PCCA: variants seen among roughly 807,000 people sequenced by gnomAD.
PCCA encodes propionyl-CoA carboxylase subunit alpha, also known as propionyl-CoA carboxylase alpha chain, mitochondrial.
A neutral mutation model predicts 101.3 loss-of-function variants in PCCA; 74 were observed. The ratio of observed to expected loss-of-function variants is 0.73; its 90% CI spans 0.61 to 0.89. The LOEUF (loss-of-function observed/expected upper bound fraction) is 0.89. PCCA is among the 40% of genes least tolerant of loss of function. PCCA has a pLI of 0.00. For missense variants in PCCA, 891 were observed against 907.0 expected (o/e 0.98, Z 0.23); for synonymous variants, 294 against 313.6 (o/e 0.94, Z 0.66).
intron 12 of PCCA, among the ~76,000 whole-genome samples, chr13:100,290,870 G>A (rs775858109): frequency 6.6e-6 from 1 of 152,128 alleles, no homozygotes; most frequent in Non-Finnish European, 1.5e-5. Flanking sequence ...ATAAGTAACT[G>A]ACTAAATTGT....
At chr13:100,236,185 A>G (rs1160756741) in intron 8 of PCCA, among the ~76,000 whole-genome samples, 1 of 152,252 alleles carries the variant, frequency 6.6e-6, no homozygotes, top group East Asian at 1.9e-4. Context: ...ATTTATATGT[A>G]CATAGTTGAA....
At chr13:100,250,765 C>T (rs2061700163) in intron 8 of PCCA, among the ~76,000 whole-genome samples, 1 of 152,052 alleles carries the variant, frequency 6.6e-6, no homozygotes, top group African/African-American at 2.4e-5. Flanking sequence ...GATGTTTAGT[C>T]TGGCAGGTAC....
At chr13:100,524,832 G>A (rs752689497) in intron 22 of PCCA, among the ~76,000 whole-genome samples, 8 of 152,062 alleles carry the variant, frequency 5.3e-5, no homozygotes, top group Non-Finnish European at 7.4e-5. Context: ...AGATTGTGCC[G>A]CTGCACTCCA....
intron 8 of PCCA, among the ~76,000 whole-genome samples, chr13:100,240,369 GTTTT>G (rs35401040): frequency 7.1e-6 from 1 of 141,344 alleles, no homozygotes; most frequent in South Asian, 2.3e-4. Context: ...CTTAGGATAA[GTTTT>G]TTTTTTTTTT....
intron 21 of PCCA, chr13:100,491,849 AT>A: frequency 1.1e-6 from 1 of 890,014 alleles, no homozygotes; most frequent in Non-Finnish European, 1.4e-6. Context: ...AAATAAAAAT[AT>A]TTTAGTGAAT....
chr13:100,337,779 C>T lies in PCCA; in HGVS notation c.1541-2378C>T, dbSNP rs143407038. On this transcript the variant is annotated intron_variant, in intron 17 of 23. Transcript: ENST00000376285. ...ATGGGTTCCCCTAATGCATTGCCTC[C>T]TCCCTTGCTGATGGTATATACGGTG... 2.5e-3 allele frequency among the ~76,000 whole-genome samples: 385 copies of T among 152,286 alleles called. 4 individuals carry two copies. In the South Asian group the frequency reaches 0.028, roughly 11 times the overall value.
chr13:100,119,753 G>A (rs948451550), intron 4 of PCCA, among the ~76,000 whole-genome samples: 1 of 152,086 alleles, frequency 6.6e-6, no homozygotes, highest in Non-Finnish European at 1.5e-5. Context: ...CAACTCACAC[G>A]GGATCTGTTT....
intron 8 of PCCA, among the ~76,000 whole-genome samples, chr13:100,243,882 T>A (rs953043761): frequency 4.6e-5 from 7 of 152,242 alleles, no homozygotes; most frequent in Admixed American, 3.9e-4. Context: ...TACAACATTT[T>A]TTTAAAAAGT....
At position 100,099,410 on chromosome 13, in the gene PCCA, C is replaced by T. The variant is rs149292152; in HGVS notation, c.106-3473C>T. Among the ~76,000 whole-genome samples, 48 of 151,130 alleles carry T rather than the reference C, an allele frequency of 3.2e-4. No homozygotes were observed. The East Asian group carries it at 8.6e-3, about 27-fold the overall frequency. ...TCGGCTCACTACAACCTCTGCCTCCCGGGTTCACGCCATTCTCCCGCCTCA... is the reference window on the plus strand; with the variant it reads ...TCGGCTCACTACAACCTCTGCCTCCTGGGTTCACGCCATTCTCCCGCCTCA... On this transcript the variant is annotated intron_variant, in intron 1 of 23. Coordinates refer to ENST00000376285, the MANE Select transcript of PCCA (RefSeq NM_000282.4).
intron 8 of PCCA, among the ~76,000 whole-genome samples, chr13:100,247,886 G>A (rs1251804790): frequency 4.6e-5 from 7 of 152,070 alleles, no homozygotes; most frequent in Non-Finnish European, 8.8e-5. Flanking sequence ...TTCCTTGCTC[G>A]TTAGGTTTTG....
At chr13:100,182,301 T>C (rs1396800493) in intron 6 of PCCA, among the ~76,000 whole-genome samples, 2 of 152,070 alleles carry the variant, frequency 1.3e-5, no homozygotes. Flanking sequence ...TTCACCATGT[T>C]GGCCAGGCTG....
intron 13 of PCCA, 57 bp from the exon 14 acceptor site, chr13:100,302,867 C>T: frequency 1.1e-6 from 1 of 952,374 alleles, no homozygotes; most frequent in Non-Finnish European, 1.7e-6. Flanking sequence ...AATATTTAAC[C>T]TTACTTGTGC....
intron 18 of PCCA, among the ~76,000 whole-genome samples, chr13:100,360,626 AC>A (rs1346059074): frequency 2.0e-5 from 3 of 152,228 alleles, no homozygotes; most frequent in Non-Finnish European, 2.9e-5. Context: ...ACCACTACAT[AC>A]CTATTAGAAT....
At chr13:100,368,769 T>A (rs1007422868) in intron 19 of PCCA, among the ~76,000 whole-genome samples, 195 bp downstream of exon 19, 2 of 152,228 alleles carry the variant, frequency 1.3e-5, no homozygotes, top group African/African-American at 4.8e-5. Flanking sequence ...TTTCTAGATT[T>A]AGCCACATCC....
Position 100,348,779 on chromosome 13 carries a change from TCTTTCTTTCTTCCTTCCTTCCTTC to T in PCCA, c.1643+8524_1643+8547del, listed in dbSNP as rs1384750702. Among the ~76,000 whole-genome samples the T allele has an allele frequency of 5.7e-3, 431 of 76,240 alleles. 10 individuals carry two copies. Among genetic ancestry groups the T allele is most frequent in the Admixed American group, 8.7e-3 (67 of 7,676 alleles). The allele number at this position is 76,240 out of a possible 152,430, so 50.0% of individuals were successfully genotyped here. A position where few individuals can be genotyped will look rare whatever the true frequency, so the allele number is the denominator to read the frequency against. ...TTCTTTCTTTCTTTCTTTCTTTCTT[TCTTTCTTTCTTCCTTCCTTCCTTC>T]CTTCCTTCCTTCCTTTCTTTCTTTT... On this transcript the variant is annotated intron_variant, in intron 18 of 23. Transcript: ENST00000376285.
intron 22 of PCCA, among the ~76,000 whole-genome samples, chr13:100,519,653 C>T (rs1226822713): frequency 1.3e-5 from 2 of 152,226 alleles, no homozygotes; most frequent in Non-Finnish European, 2.9e-5. Context: ...GTCTGACGTC[C>T]CCTCCTCCCC....
At chr13:100,444,851 T>C (rs2080695272) in intron 20 of PCCA, among the ~76,000 whole-genome samples, 1 of 135,706 alleles carries the variant, frequency 7.4e-6, no homozygotes, top group East Asian at 2.1e-4. Context: ...TTTGGAAAAT[T>C]CCTGCTCATT....
chr13:100,178,366 A>G (rs1344796578), intron 6 of PCCA, among the ~76,000 whole-genome samples: 3 of 152,228 alleles, frequency 2.0e-5, no homozygotes, highest in East Asian at 3.8e-4. Flanking sequence ...AGGTCTTTTT[A>G]GGTAAACTAT....
At chr13:100,259,134 G>A (rs1474856169) in intron 9 of PCCA, among the ~76,000 whole-genome samples, 1 of 151,946 alleles carries the variant, frequency 6.6e-6, no homozygotes, top group Admixed American at 6.6e-5. Context: ...GAAGTAATTG[G>A]TTTTTACATA....
Sources: gnomAD v4.1 joint callset for allele counts (sites outside exome capture counted in the v4.1 genomes callset) on GRCh38, gnomAD v4.1.1 for gene constraint, MANE v1.5 for transcripts, NCBI Gene and HGNC (gene_info 2026-07-23, HGNC 2026-07-21) for gene names.